Variants in FGF14 observed in about 807,000 individuals in gnomAD.
FGF14 encodes fibroblast growth factor 14, also known as fibroblast growth factor homologous factor 4.
Under a neutral mutation model 25.5 loss-of-function variants are expected in FGF14, and 5 were observed. That is an observed-to-expected ratio of 0.20 (90% CI 0.10 to 0.41). The LOEUF is 0.41. FGF14 is among the 10% of genes least tolerant of loss of function. The pLI is 1.00. For synonymous variants in FGF14, 138 were observed against 118.3 expected, an observed-to-expected ratio of 1.17 and a Z score of -1.08; for missense variants, 222 against 320.1, an observed-to-expected ratio of 0.69 and a Z score of 2.34.
At chr13:101,900,324 T>C (rs998167342) in intron 1 of FGF14, among the ~76,000 whole-genome samples, 21 of 151,830 alleles carry the variant, frequency 1.4e-4, no homozygotes, top group Non-Finnish European at 2.6e-4. Context: ...AAACAAATAA[T>C]AAAATTAAGA....
At chr13:101,752,430 T>G (rs1473415627) in intron 3 of FGF14, among the ~76,000 whole-genome samples, 1 of 152,214 alleles carries the variant, frequency 6.6e-6, no homozygotes, top group Non-Finnish European at 1.5e-5. Flanking sequence ...AACAGTAATC[T>G]ACATGTATAA....
intron 1 of FGF14, among the ~76,000 whole-genome samples, chr13:101,934,807 T>C (rs2034993357): frequency 6.6e-6 from 1 of 152,226 alleles, no homozygotes; most frequent in South Asian, 2.1e-4. Context: ...AATGTTCTAC[T>C]GCTGCAGACT....
intron 1 of FGF14, among the ~76,000 whole-genome samples, chr13:102,197,156 A>G (rs766721536): frequency 2.0e-5 from 3 of 152,148 alleles, no homozygotes; most frequent in Non-Finnish European, 4.4e-5. Flanking sequence ...CAAATCAACC[A>G]CATTTAGTTT....
intron 3 of FGF14, among the ~76,000 whole-genome samples, chr13:101,746,014 T>G (rs1290613763): frequency 6.6e-6 from 1 of 152,062 alleles, no homozygotes; most frequent in Non-Finnish European, 1.5e-5. Flanking sequence ...TCAGCGGAGA[T>G]GTGCAGGATA....
intron 1 of FGF14, among the ~76,000 whole-genome samples, chr13:102,389,182 T>C (rs1376042732): frequency 6.6e-6 from 1 of 152,158 alleles, no homozygotes; most frequent in Non-Finnish European, 1.5e-5. Flanking sequence ...GTATTCTCCA[T>C]ACATTTAGTT....
At chr13:102,194,442 T>C (rs1001421097) in intron 1 of FGF14, among the ~76,000 whole-genome samples, 7 of 134,890 alleles carry the variant, frequency 5.2e-5, no homozygotes, top group South Asian at 2.4e-4. Flanking sequence ...ACTGCCCCCC[T>C]GACAGGCCCC....
intron 1 of FGF14, among the ~76,000 whole-genome samples, chr13:102,168,036 A>T (rs1381267989): frequency 6.6e-6 from 1 of 152,100 alleles, no homozygotes; most frequent in Non-Finnish European, 1.5e-5. Flanking sequence ...TAGCTTCAAA[A>T]ACCTAAAACC....
chr13:101,964,053 T>C (rs2037033955), intron 1 of FGF14, among the ~76,000 whole-genome samples: 1 of 152,244 alleles, frequency 6.6e-6, no homozygotes, highest in African/African-American at 2.4e-5. Flanking sequence ...GAATTTATCA[T>C]GAAACATGAC....
At chr13:102,356,826 A>C (rs2057429172) in intron 1 of FGF14, among the ~76,000 whole-genome samples, 1 of 151,950 alleles carries the variant, frequency 6.6e-6, no homozygotes, top group African/African-American at 2.4e-5. Context: ...GCTAATTCCC[A>C]ATATACTGAC....
At chr13:102,190,966 G>C (rs2049096891) in intron 1 of FGF14, among the ~76,000 whole-genome samples, 1 of 152,050 alleles carries the variant, frequency 6.6e-6, no homozygotes, top group Non-Finnish European at 1.5e-5. Context: ...TGATAGCAGT[G>C]ACAAGCATAG....
intron 1 of FGF14, among the ~76,000 whole-genome samples, chr13:102,036,256 G>A (rs576179104): frequency 1.4e-4 from 22 of 152,172 alleles, no homozygotes; most frequent in African/African-American, 5.3e-4. Flanking sequence ...ATGACTAGTG[G>A]GAAACAATAT....
At chr13:102,063,009 A>G (rs1043689911) in intron 1 of FGF14, among the ~76,000 whole-genome samples, 4 of 152,212 alleles carry the variant, frequency 2.6e-5, no homozygotes, top group Non-Finnish European at 4.4e-5. Flanking sequence ...TTTGCTTTTA[A>G]AGGTATTTGT....
intron 1 of FGF14, among the ~76,000 whole-genome samples, chr13:101,956,153 T>G (rs1055506811): frequency 3.9e-5 from 6 of 152,220 alleles, no homozygotes; most frequent in East Asian, 1.9e-4. Context: ...TTCCCAGGCA[T>G]GAGGCATGCT....
At chr13:102,327,947 A>G (rs16951757) in intron 1 of FGF14, among the ~76,000 whole-genome samples, 5,283 of 148,860 alleles carry the variant, frequency 0.035, 335 homozygotes, top group African/African-American at 0.12. Context: ...TTTATAAGCA[A>G]AAGGCAGGAT....
chr13:101,905,071 C>T (rs2032065622), intron 1 of FGF14, among the ~76,000 whole-genome samples: 3 of 152,186 alleles, frequency 2.0e-5, no homozygotes, highest in Non-Finnish European at 2.9e-5. Flanking sequence ...CTGAACTCTG[C>T]TGTCCTGTAT....
intron 2 of FGF14, among the ~76,000 whole-genome samples, chr13:101,872,725 T>C (rs557991962): frequency 2.6e-5 from 4 of 152,244 alleles, no homozygotes; most frequent in African/African-American, 9.6e-5. Flanking sequence ...GGAGGGAATA[T>C]TGATTTTACC....
rs9554869 is a variant in FGF14 at position 102,315,020 on chromosome 13, T to C, written c.208+86451A>G. 2.5e-4 allele frequency among the ~76,000 whole-genome samples: 37 copies of C among 150,768 alleles called. 1 individual carries two copies. In the East Asian group the frequency reaches 7.2e-3, roughly 29 times the overall value. ...GTATAATAAAAGATTCACATAATGT[T>C]ACACACACATACAAACATGTATACA... is the stretch of plus-strand genomic sequence containing the variant. On this transcript the variant is annotated intron_variant, in intron 1 of 4. Transcript: ENST00000376131.
intron 3 of FGF14, among the ~76,000 whole-genome samples, chr13:101,753,669 G>A (rs2037452718): frequency 6.6e-6 from 1 of 152,034 alleles, no homozygotes; most frequent in South Asian, 2.1e-4. Flanking sequence ...TGGGCGTGGT[G>A]GCGCATGCCT....
chr13:102,232,074 A>AT (rs2051110205), intron 1 of FGF14, among the ~76,000 whole-genome samples: 1 of 152,216 alleles, frequency 6.6e-6, no homozygotes, highest in Non-Finnish European at 1.5e-5. Context: ...TTGTTTTGCT[A>AT]ATCAATAGAA....
Sources: gnomAD v4.1 joint callset for allele counts (sites outside exome capture counted in the v4.1 genomes callset) on GRCh38, gnomAD v4.1.1 for gene constraint, MANE v1.5 for transcripts, NCBI Gene and HGNC (gene_info 2026-07-23, HGNC 2026-07-21) for gene names.